Variants in LCOR observed in about 807,000 individuals in gnomAD.
LCOR encodes the protein ligand-dependent corepressor.
Under a neutral mutation model 64.4 loss-of-function variants are expected in LCOR, and 14 were observed. The observed-to-expected ratio is 0.22, with a 90% confidence interval of 0.14 to 0.34. The LOEUF is 0.34. Among genes scored for constraint, LCOR ranks in the 10% least tolerant of loss-of-function variants. LCOR has a pLI of 1.00. For synonymous variants in LCOR, 643 were observed against 642.5 expected, an observed-to-expected ratio of 1.00 and a Z score of -0.01; for missense variants, 1,686 against 1,765.3, an observed-to-expected ratio of 0.96 and a Z score of 0.80.
intron 2 of LCOR, among the ~76,000 whole-genome samples, chr10:96,885,017 A>T (rs1846319416): frequency 6.6e-6 from 1 of 152,202 alleles, no homozygotes; most frequent in Admixed American, 6.5e-5. Flanking sequence ...TATATATAGT[A>T]ATAAGACTTT....
Position 96,982,049 on chromosome 10 carries a change from G to A in LCOR, c.1589G>A (p.Ser530Asn). ...AATTTACACTCCCAGGAAAAAGCAAGCTGCTCAGCATTGGCATCAGAGGCA... is the reference window on the plus strand; with the variant it reads ...AATTTACACTCCCAGGAAAAAGCAAACTGCTCAGCATTGGCATCAGAGGCA... The part of the protein sequence containing the change: ...ARNLHSQEKA[S>N]CSALASEAVF... Residue 530 changes from serine (S) to asparagine (N), a missense_variant, in exon 8 of 8, where the codon AGC (serine) becomes AAC (asparagine). By Grantham distance (46) the Ser-to-Asn change is conservative (BLOSUM62 1). Around this residue, in one of 3 missense-constraint regions of LCOR, gnomAD observed 1,293 missense variants for 1,410.4 expected, o/e 0.92. Coordinates refer to ENST00000421806, the MANE Select transcript of LCOR (RefSeq NM_001346516.2). 6.2e-7 allele frequency: 1 copy of A among 1,614,122 alleles called. No individual in the cohort carries two copies. Among genetic ancestry groups the A allele is most frequent in the Admixed American group, 1.7e-5 (1 of 60,028 alleles).
At chr10:96,854,650 A>G (rs147770541) in intron 2 of LCOR, among the ~76,000 whole-genome samples, 4 of 152,170 alleles carry the variant, frequency 2.6e-5, no homozygotes, top group African/African-American at 7.2e-5. Context: ...TCATGTCAGT[A>G]GGTATTCTTC....
chr10:96,929,059 A>T (rs1341058049), intron 4 of LCOR, among the ~76,000 whole-genome samples: 1 of 152,250 alleles, frequency 6.6e-6, no homozygotes, highest in Admixed American at 6.5e-5. Flanking sequence ...TATAGAGTAC[A>T]GGCAATGTAG....
intron 2 of LCOR, among the ~76,000 whole-genome samples, chr10:96,904,768 T>C (rs1846700011): frequency 6.6e-6 from 1 of 152,202 alleles, no homozygotes; most frequent in Admixed American, 6.5e-5. Context: ...TGGTATACAT[T>C]TTGAATATAT....
intron 2 of LCOR, among the ~76,000 whole-genome samples, chr10:96,847,665 C>G (rs1261058096): frequency 6.6e-6 from 1 of 152,148 alleles, no homozygotes; most frequent in Non-Finnish European, 1.5e-5. Context: ...GTTCTCTTAA[C>G]TCCCGACCTC....
chr10:96,891,512 TCTTACTCTGTCTTGACTC>T (rs1227130772), intron 2 of LCOR, among the ~76,000 whole-genome samples: 1 of 101,516 alleles, frequency 9.9e-6, no homozygotes, highest in East Asian at 2.9e-4. Context: ...TGAGACAGGG[TCTTACTCTGTCTTGACTC>T]TTTTTTTTTT....
chr10:96,849,848 G>C (rs1845696271), intron 2 of LCOR, among the ~76,000 whole-genome samples: 1 of 147,046 alleles, frequency 6.8e-6, no homozygotes, highest in South Asian at 2.1e-4. Flanking sequence ...AGACCTCTGT[G>C]TGTCACTCAC....
chr10:96,960,831 C>T (rs1847867520), intron 7 of LCOR: 1 of 152,080 alleles, frequency 6.6e-6, no homozygotes, highest in Admixed American at 6.6e-5. Context: ...GACAGATCTC[C>T]AGGCTCTTTC....
rs1469882500 is a variant in LCOR at position 96,992,950 on chromosome 10, C to A, written c.*7816C>A. 1 of 152,458 alleles carries A rather than the reference C, an allele frequency of 6.6e-6. No individual in the cohort carries two copies. Among genetic ancestry groups the A allele is most frequent in the Non-Finnish European group, 1.5e-5 (1 of 68,172 alleles). The allele number at this position is 152,458 out of a possible 1,614,324, so 9.4% of individuals were successfully genotyped here. Reference sequence around the variant, plus strand: ...CTCCTTCTCCCCTCTCTCCCTGTCTCAGTGTGCATCTGTGCAGATGTGGGC... The same window carrying A: ...CTCCTTCTCCCCTCTCTCCCTGTCTAAGTGTGCATCTGTGCAGATGTGGGC... On this transcript the variant is annotated 3_prime_UTR_variant, in exon 8 of 8. Transcript: ENST00000421806.
intron 2 of LCOR, among the ~76,000 whole-genome samples, chr10:96,894,170 C>T (rs1331681476): frequency 5.3e-5 from 8 of 152,178 alleles, no homozygotes. Flanking sequence ...CAGCTCACTG[C>T]AACCTCCGCC....
In LCOR at chr10:96,989,849, T is replaced by C. The variant is rs1327742504; in HGVS notation, c.*4715T>C. On this transcript the variant is annotated 3_prime_UTR_variant, in exon 8 of 8. Transcript: ENST00000421806. The stretch of plus-strand genomic sequence containing the variant: ...CACCGCACCAACCCAAGTATGAGTT[T>C]CTATGCTGGTTTTTTTTTAATGTGA... The C allele has an allele frequency of 6.6e-6, 1 of 151,424 alleles. No homozygotes were observed. The highest frequency in any genetic ancestry group is 1.5e-5 in the Non-Finnish European group (1 of 67,870). 9.4% of individuals were successfully genotyped at this position (151,424 alleles called of 1,614,324 possible). A position where few individuals can be genotyped will look rare whatever the true frequency, so the allele number is the denominator to read the frequency against.
At chr10:96,935,199 A>T (rs1385476383) in intron 4 of LCOR, among the ~76,000 whole-genome samples, 1 of 117,258 alleles carries the variant, frequency 8.5e-6, no homozygotes, top group Non-Finnish European at 1.6e-5. Flanking sequence ...CCCAGTCTGG[A>T]ATGCAGTGGT....
intron 7 of LCOR, among the ~76,000 whole-genome samples, chr10:96,970,634 T>TTTTA (rs1480619557): frequency 0.016 from 2,185 of 138,510 alleles, 75 homozygotes; most frequent in African/African-American, 0.06. Context: ...ATTTATTTTA[T>TTTTA]TTTATTTTAT....
intron 2 of LCOR, among the ~76,000 whole-genome samples, chr10:96,868,267 T>A (rs1012391456): frequency 3.3e-5 from 5 of 149,316 alleles, no homozygotes; most frequent in Admixed American, 2.6e-4. Flanking sequence ...TTTTTTCTTT[T>A]CTTTTCTTTT....
chr10:96,852,479 G>A (rs907324605), intron 2 of LCOR, among the ~76,000 whole-genome samples: 6 of 152,210 alleles, frequency 3.9e-5, no homozygotes, highest in African/African-American at 1.4e-4. Flanking sequence ...AGGCACATAT[G>A]AAACGTAAAT....
At position 96,988,169 on chromosome 10, in the gene LCOR, A is replaced by G. The variant is rs1483839553; in HGVS notation, c.*3035A>G. The G allele has an allele frequency of 6.6e-6, 1 of 152,210 alleles. No individual in the cohort carries two copies. The highest frequency in any genetic ancestry group is 1.5e-5 in the Non-Finnish European group (1 of 68,052). 9.4% of individuals were successfully genotyped at this position (152,210 alleles called of 1,614,324 possible). A position where few individuals can be genotyped will look rare whatever the true frequency, so the allele number is the denominator to read the frequency against. On this transcript the variant is annotated 3_prime_UTR_variant, in exon 8 of 8. Transcript: ENST00000421806. Reference sequence around the variant, plus strand: ...CTACGAGACTCCCTGCTATAGATGGACATGCAGGAGACCACTCCCTCACTT... The same window carrying G: ...CTACGAGACTCCCTGCTATAGATGGGCATGCAGGAGACCACTCCCTCACTT...
chr10:96,926,490 C>G lies in LCOR; in HGVS notation c.-183-17623C>G, dbSNP rs191256665. On this transcript the variant is annotated intron_variant, in intron 4 of 7. Coordinates refer to ENST00000421806, the MANE Select transcript of LCOR (RefSeq NM_001346516.2). ...TTTCTTTGATTTCAAGTGATTAGTT[C>G]AAGAGTTGAAAGTCAGTGATATATT... is the stretch of plus-strand genomic sequence containing the variant. 1.1e-3 allele frequency among the ~76,000 whole-genome samples: 164 copies of G among 152,208 alleles called. 1 individual carries two copies. In the Middle Eastern group the frequency reaches 0.024, roughly 22 times the overall value.
intron 4 of LCOR, among the ~76,000 whole-genome samples, chr10:96,923,913 C>T (rs1312317874): frequency 3.9e-5 from 6 of 152,162 alleles, no homozygotes; most frequent in Non-Finnish European, 1.5e-5. Flanking sequence ...GCAACAGAGA[C>T]TCTATCTGGC....
At chr10:96,934,983 T>C (rs1396549410) in intron 4 of LCOR, among the ~76,000 whole-genome samples, 2 of 152,140 alleles carry the variant, frequency 1.3e-5, no homozygotes, top group African/African-American at 4.8e-5. Flanking sequence ...TTATTAGGAA[T>C]AATAAATGCA....
Sources: gnomAD v4.1 joint callset for allele counts (sites outside exome capture counted in the v4.1 genomes callset) on GRCh38, gnomAD v4.1.1 for gene constraint, gnomAD v4.1.1 regional missense constraint, MANE v1.5 for transcripts, NCBI Gene and HGNC (gene_info 2026-07-23, HGNC 2026-07-21) for gene names.